Variants in GFRA2 observed in about 807,000 individuals in gnomAD.
The protein encoded by GFRA2 is GDNF family receptor alpha-2.
A neutral mutation model predicts 48.3 loss-of-function variants in GFRA2; 17 were observed. The observed-to-expected ratio is 0.35, with a 90% CI of 0.24 to 0.53. GFRA2 has a LOEUF of 0.53. Ranked by LOEUF, GFRA2 falls within the 20% of genes least tolerant of loss-of-function variation. The pLI, the probability that GFRA2 is intolerant of heterozygous loss-of-function variation, is 0.93. For missense variants in GFRA2, 660 were observed against 637.3 expected, an observed-to-expected ratio of 1.04 and a Z score of -0.38; for synonymous variants, 305 against 257.2, an observed-to-expected ratio of 1.19 and a Z score of -1.78.
At chr8:21,798,031 C>G (rs1171046178) in intron 2 of GFRA2, among the ~76,000 whole-genome samples, 1 of 152,176 alleles carries the variant, frequency 6.6e-6, no homozygotes, top group Admixed American at 6.5e-5. Flanking sequence ...CCAGTCCACA[C>G]AGTGGGCTCC....
At chr8:21,747,173 C>T (rs927491200) in intron 4 of GFRA2, among the ~76,000 whole-genome samples, 1 of 152,180 alleles carries the variant, frequency 6.6e-6, no homozygotes, top group African/African-American at 2.4e-5. Flanking sequence ...CATCATTCCA[C>T]GCAGCTGTGT....
At chr8:21,703,110 CA>C (rs1802567399) in intron 6 of GFRA2, 133 bp from the exon 7 acceptor site, 1 of 523,910 alleles carries the variant, frequency 1.9e-6, no homozygotes, top group Non-Finnish European at 3.3e-6. Context: ...GGGCATAGCA[CA>C]GCCAGATTCC....
chr8:21,726,517 T>C (rs564002102), intron 4 of GFRA2, among the ~76,000 whole-genome samples: 1 of 152,178 alleles, frequency 6.6e-6, no homozygotes, highest in African/African-American at 2.4e-5. Flanking sequence ...TGGCAGGGCC[T>C]TGCCTCCTCT....
At chr8:21,728,265 GTTTTTTTTTTTTT>G (rs34490346) in intron 4 of GFRA2, among the ~76,000 whole-genome samples, 128 of 65,310 alleles carry the variant, frequency 2.0e-3, no homozygotes, top group Non-Finnish European at 2.9e-3. Flanking sequence ...CGGGAACCAG[GTTTTTTTTTTTTT>G]TTTTTTTTTT....
At chr8:21,712,867 C>T (rs1352847511) in intron 4 of GFRA2, among the ~76,000 whole-genome samples, 2 of 152,272 alleles carry the variant, frequency 1.3e-5, no homozygotes, top group East Asian at 1.9e-4. Context: ...ACCAGTCAGG[C>T]GTGGCGGTGC....
In GFRA2 at chr8:21,759,472, G is replaced by GAAGGAA. The variant is rs1563252093; in HGVS notation, c.440-8531_440-8530insTTCCTT. Among the ~76,000 whole-genome samples the GAAGGAA allele has an allele frequency of 8.4e-5, 9 of 107,100 alleles. No homozygotes were observed. The South Asian group carries it at 1.0e-3, about 12-fold the overall frequency. The allele number at this position is 107,100 out of a possible 152,430, so 70.3% of individuals were successfully genotyped here. A position where few individuals can be genotyped will look rare whatever the true frequency, so the allele number is the denominator to read the frequency against. On this transcript the variant is annotated intron_variant, in intron 3 of 8. Coordinates refer to ENST00000524240, the MANE Select transcript of GFRA2 (RefSeq NM_001495.5). ...AGGGAGAGAGGGAGGGAGGGAGGGAGGGAAAGAAGGAAAGAAGGAAGGAAG... is the reference window on the plus strand; with the variant it reads ...AGGGAGAGAGGGAGGGAGGGAGGGAGAAGGAAGGAAAGAAGGAAAGAAGGAAGGAAG...
intron 5 of GFRA2, 141 bp from the exon 6 acceptor site, chr8:21,705,266 A>C: frequency 2.7e-6 from 2 of 746,318 alleles, no homozygotes; most frequent in Non-Finnish European, 4.3e-6. Context: ...ATCCATCCCA[A>C]TCGCACTCCT....
intron 2 of GFRA2, among the ~76,000 whole-genome samples, chr8:21,801,625 C>G (rs1015418963): frequency 7.3e-6 from 1 of 136,922 alleles, no homozygotes; most frequent in Non-Finnish European, 1.5e-5. Context: ...TTCAATGGAA[C>G]AAGGCATTAG....
At chr8:21,747,827 T>G (rs1486494934) in intron 4 of GFRA2, among the ~76,000 whole-genome samples, 1 of 146,112 alleles carries the variant, frequency 6.8e-6, no homozygotes, top group East Asian at 2.1e-4. Context: ...AACATGCACA[T>G]GCACACAGGC....
intron 4 of GFRA2, among the ~76,000 whole-genome samples, chr8:21,726,618 G>A (rs891803158): frequency 2.6e-5 from 4 of 152,122 alleles, no homozygotes; most frequent in Non-Finnish European, 5.9e-5. Flanking sequence ...TTCAGCGTCT[G>A]TGTCCATCAT....
chr8:21,795,482 T>G (rs1261752241), intron 2 of GFRA2, among the ~76,000 whole-genome samples: 1 of 151,954 alleles, frequency 6.6e-6, no homozygotes, highest in Non-Finnish European at 1.5e-5. Flanking sequence ...AAGCTCCACC[T>G]CCCAGGTTCA....
intron 4 of GFRA2, among the ~76,000 whole-genome samples, chr8:21,711,139 G>A (rs931030389): frequency 1.4e-4 from 21 of 152,200 alleles, no homozygotes; most frequent in Non-Finnish European, 1.8e-4. Flanking sequence ...GGTGATCTCT[G>A]TGCCTTCTCT....
At chr8:21,747,801 C>CAT (rs1491168901) in intron 4 of GFRA2, among the ~76,000 whole-genome samples, 1 of 149,672 alleles carries the variant, frequency 6.7e-6, no homozygotes, top group Non-Finnish European at 1.5e-5. Context: ...CACACACACA[C>CAT]GCATGCACAC....
chr8:21,772,698 C>A (rs1457786261), intron 3 of GFRA2, among the ~76,000 whole-genome samples: 1 of 152,216 alleles, frequency 6.6e-6, no homozygotes, highest in Non-Finnish European at 1.5e-5. Flanking sequence ...GCCCAGTTAT[C>A]TCTGGGCAGC....
Position 21,750,927 on chromosome 8 carries a change from G to A in GFRA2, c.455C>T (p.Pro152Leu), listed in dbSNP as rs1490031240. Reference sequence around the variant, plus strand: ...ATGGTTGCTCTTGGCGCTGACCACCGGGTCTGCCCCTGTCCCTGGAGGAGG... The same window carrying A: ...ATGGTTGCTCTTGGCGCTGACCACCAGGTCTGCCCCTGTCCCTGGAGGAGG... ...ASIFSGTGADPVVSAKSNHCL... is the reference protein window; with the variant it reads ...ASIFSGTGADLVVSAKSNHCL... Residue 152 changes from proline (P) to leucine (L), a missense_variant, in exon 4 of 9, where the codon CCG becomes CTG. Coordinates refer to ENST00000524240, the MANE Select transcript of GFRA2 (RefSeq NM_001495.5). This position sits in a 1 kb window ranked among gnomAD's most constrained non-coding sequence, Gnocchi z 5.7. The A allele has an allele frequency of 7.4e-6, 12 of 1,611,718 alleles. No individual in the cohort carries two copies. The highest frequency in any genetic ancestry group is 4.4e-5 in the South Asian group (4 of 90,880).
Position 21,750,107 on chromosome 8 carries a change from A to ACACACACG in GFRA2, c.794+480_794+481insCGTGTGTG, listed in dbSNP as rs201515239. 1.7e-3 allele frequency among the ~76,000 whole-genome samples: 254 copies of ACACACACG among 150,732 alleles called. 1 individual carries two copies. Among genetic ancestry groups the ACACACACG allele is most frequent in the Middle Eastern group, 3.4e-3 (1 of 292 alleles). On this transcript the variant is annotated intron_variant, in intron 4 of 8. Transcript: ENST00000524240. This position sits in a 1 kb window ranked among gnomAD's most constrained non-coding sequence, Gnocchi z 5.7. ...TGTGTATACACACACACACACACACACACGCACATATATAGGTAGAGACTG... is the reference window on the plus strand; with the variant it reads ...TGTGTATACACACACACACACACACACACACACGCACGCACATATATAGGTAGAGACTG...
rs575713010 is a variant in GFRA2, at chr8:21,693,189, G to A, written c.*89C>T. 16 of 1,313,702 alleles carry A rather than the reference G, an allele frequency of 1.2e-5. No homozygotes were observed. In the African/African-American group the frequency reaches 1.9e-4, roughly 16 times the overall value. 81.4% of individuals were successfully genotyped at this position (1,313,702 alleles called of 1,614,324 possible). ...AAAAACAATTTTTTTTTTGCAAGGT[G>A]TGTGTGTGTCTGTGTGTGTTTCCAT... On this transcript the variant is annotated 3_prime_UTR_variant, in exon 9 of 9. Coordinates refer to ENST00000524240, the MANE Select transcript of GFRA2 (RefSeq NM_001495.5).
chr8:21,699,097 C>T (rs1309298596), intron 7 of GFRA2, among the ~76,000 whole-genome samples: 3 of 152,218 alleles, frequency 2.0e-5, no homozygotes, highest in African/African-American at 4.8e-5. Context: ...CCTCCAGCAC[C>T]GGGACCATGG....
In GFRA2 at chr8:21,745,420, C is replaced by G. The variant is rs533387433; in HGVS notation, c.794+5168G>C. ...GATGCCAAGGGCTGGGGCCTTACTT[C>G]CAGAGTCACAAGCCCAGAGAGGCTT... On this transcript the variant is annotated intron_variant, in intron 4 of 8. Transcript: ENST00000524240. Among the ~76,000 whole-genome samples the G allele has an allele frequency of 2.2e-3, 337 of 152,354 alleles. 1 individual carries two copies. Among genetic ancestry groups the G allele is most frequent in the Admixed American group, 5.3e-3 (81 of 15,306 alleles).
Sources: allele counts gnomAD v4.1 joint callset (sites outside exome capture counted in the v4.1 genomes callset), GRCh38; gene constraint gnomAD v4.1.1; non-coding constraint Gnocchi (gnomAD v3.1); transcripts MANE v1.5; gene names NCBI Gene and HGNC (gene_info 2026-07-23, HGNC 2026-07-21).